Variants in ACOXL observed in about 807,000 individuals in gnomAD.
ACOXL encodes acyl-coenzyme A oxidase-like protein.
A neutral mutation model predicts 71.9 loss-of-function variants in ACOXL; 70 were observed. The observed-to-expected ratio is 0.97, with a 90% confidence interval of 0.80 to 1.19. The LOEUF (loss-of-function observed/expected upper bound fraction) is 1.19. ACOXL is among the 50% of genes most tolerant of loss of function. ACOXL has a pLI of 0.00. For synonymous variants in ACOXL, 253 were observed against 281.6 expected (o/e 0.90, Z 1.02); for missense variants, 703 against 736.3 (o/e 0.95, Z 0.52).
chr2:110,793,263 C>T (rs1255179299), intron 3 of ACOXL, among the ~76,000 whole-genome samples: 1 of 151,398 alleles, frequency 6.6e-6, no homozygotes, highest in African/African-American at 2.4e-5. Flanking sequence ...CATGGCAGGA[C>T]TCACCTCCAC....
At chr2:111,049,395 C>A in intron 16 of ACOXL, 107 bp downstream of exon 16, 2 of 870,998 alleles carry the variant, frequency 2.3e-6, no homozygotes, top group South Asian at 1.5e-5. Flanking sequence ...ATGTCTGAAT[C>A]GTGTGCTCCA....
chr2:110,786,749 G>A (rs538624906), intron 3 of ACOXL, among the ~76,000 whole-genome samples: 2 of 152,330 alleles, frequency 1.3e-5, no homozygotes, highest in Non-Finnish European at 2.9e-5. Context: ...AATGAATGAG[G>A]GAAGGGGCAG....
chr2:110,911,907 G>A (rs76963459), intron 11 of ACOXL, among the ~76,000 whole-genome samples: 3,275 of 152,082 alleles, frequency 0.022, 140 homozygotes, highest in African/African-American at 0.076. Context: ...AACTGGAGAC[G>A]AAGAAGTAAG....
Position 110,803,829 on chromosome 2 carries a change from A to G in ACOXL, c.621-1434A>G, listed in dbSNP as rs184703744. Among the ~76,000 whole-genome samples, 309 of 152,344 alleles carry G rather than the reference A, an allele frequency of 2.0e-3. 2 individuals are homozygous for G. Among genetic ancestry groups the G allele is most frequent in the Non-Finnish European group, 3.4e-3 (228 of 68,028 alleles). On this transcript the variant is annotated intron_variant, in intron 8 of 17. Coordinates refer to ENST00000439055, the MANE Select transcript of ACOXL (RefSeq NM_001142807.4). ...ACTATTACAGCTCAAGAATAAAAAG[A>G]CAACCCAATTTTAAAATGAGCAAAA...
intron 10 of ACOXL, among the ~76,000 whole-genome samples, chr2:110,898,786 G>A (rs902479409): frequency 5.9e-5 from 9 of 152,150 alleles, no homozygotes; most frequent in African/African-American, 2.2e-4. Context: ...ATTGGAAAAG[G>A]AGTAATAAAA....
At chr2:110,914,242 T>G (rs2059756192) in intron 11 of ACOXL, among the ~76,000 whole-genome samples, 1 of 152,186 alleles carries the variant, frequency 6.6e-6, no homozygotes, top group South Asian at 2.1e-4. Context: ...TTTTTTCCCC[T>G]CGAAATTGTC....
intron 1 of ACOXL, among the ~76,000 whole-genome samples, chr2:110,734,093 A>G (rs1676538203): frequency 6.6e-6 from 1 of 152,128 alleles, no homozygotes; most frequent in Non-Finnish European, 1.5e-5. Flanking sequence ...GAACGATGCT[A>G]CTCTTCTTGC....
intron 2 of ACOXL, among the ~76,000 whole-genome samples, chr2:110,772,317 T>C (rs550728043): frequency 2.0e-5 from 3 of 152,310 alleles, no homozygotes; most frequent in African/African-American, 7.2e-5. Context: ...GTGAAGGCTT[T>C]TGCTCAGGCT....
At chr2:110,934,943 G>A (rs954430542) in intron 12 of ACOXL, among the ~76,000 whole-genome samples, 5 of 152,194 alleles carry the variant, frequency 3.3e-5, no homozygotes, top group Non-Finnish European at 7.4e-5. Context: ...GGCAGCTGGG[G>A]CAATGGCGCG....
In ACOXL at chr2:111,117,709, G is replaced by GGAAT. The variant is rs2070457864; in HGVS notation, c.1637_1640dup (p.Ile547MetfsTer95). On this transcript the variant is annotated frameshift_variant, in exon 18 of 18. Transcript: ENST00000439055. LOFTEE classifies it low-confidence loss of function (END_TRUNC). ...CACCTACCTCCACGCACCAATCGCC[G>GGAAT]GAATCTCCAACCCGCGGGCCGCGTG... 1 of 1,551,630 alleles carries GGAAT rather than the reference G, an allele frequency of 6.4e-7. No individual in the cohort carries two copies. Among genetic ancestry groups the GGAAT allele is most frequent in the Non-Finnish European group, 8.7e-7 (1 of 1,147,016 alleles).
chr2:110,960,493 A>T (rs1000038969), intron 12 of ACOXL, among the ~76,000 whole-genome samples: 6 of 151,942 alleles, frequency 3.9e-5, no homozygotes, highest in Admixed American at 2.0e-4. Flanking sequence ...TTTTACCCAG[A>T]TCAGCTCCGT....
intron 1 of ACOXL, among the ~76,000 whole-genome samples, chr2:110,746,046 C>G (rs930082264): frequency 1.3e-5 from 2 of 152,090 alleles, no homozygotes; most frequent in Non-Finnish European, 2.9e-5. Context: ...TCTCTGTATC[C>G]TCTACCTTAC....
At chr2:110,899,596 G>A (rs1310870808) in intron 10 of ACOXL, among the ~76,000 whole-genome samples, 1 of 152,094 alleles carries the variant, frequency 6.6e-6, no homozygotes, top group African/African-American at 2.4e-5. Flanking sequence ...GATGACGGAA[G>A]GTGTTTCTTC....
rs749194719 is a variant in ACOXL at position 111,092,981 on chromosome 2, G to A, written c.1542+15G>A. 3.1e-6 allele frequency: 5 copies of A among 1,607,012 alleles called. No individual in the cohort carries two copies. Among genetic ancestry groups the A allele is most frequent in the Non-Finnish European group, 3.4e-6 (4 of 1,174,324 alleles). On this transcript the variant is annotated intron_variant, in intron 17 of 17. Coordinates refer to ENST00000439055, the MANE Select transcript of ACOXL (RefSeq NM_001142807.4). ...TCAGGAATCAGGTAAGGTCCCTGGGGTACAGAAAAACACTTTGTACATCAG... is the reference window on the plus strand; with the variant it reads ...TCAGGAATCAGGTAAGGTCCCTGGGATACAGAAAAACACTTTGTACATCAG...
intron 12 of ACOXL, among the ~76,000 whole-genome samples, chr2:110,949,800 C>T (rs1460048160): frequency 6.6e-6 from 1 of 152,148 alleles, no homozygotes; most frequent in Non-Finnish European, 1.5e-5. Flanking sequence ...GAAGGACGAA[C>T]AAGGCCAGAA....
Position 110,799,109 on chromosome 2 carries a change from C to A in ACOXL, c.547+9C>A. ...TATGATGTACAAGGAGGGTGAGTCC[C>A]CAGGTGCCCTTTTCCTGTGCTCACT... On this transcript the variant is annotated intron_variant, in intron 7 of 17. Transcript: ENST00000439055. The A allele has an allele frequency of 6.2e-7, 1 of 1,613,160 alleles. No homozygotes were observed. The highest frequency in any genetic ancestry group is 8.5e-7 in the Non-Finnish European group (1 of 1,179,238).
At chr2:110,968,962 T>C (rs1474105561) in intron 12 of ACOXL, among the ~76,000 whole-genome samples, 1 of 152,102 alleles carries the variant, frequency 6.6e-6, no homozygotes, top group Non-Finnish European at 1.5e-5. Context: ...ATTAAAAAGG[T>C]ACAGAATATG....
At chr2:110,873,973 C>T (rs1291359388) in intron 10 of ACOXL, among the ~76,000 whole-genome samples, 2 of 152,156 alleles carry the variant, frequency 1.3e-5, no homozygotes, top group Non-Finnish European at 2.9e-5. Flanking sequence ...ATCGGCCAGC[C>T]CTAGGGCCCT....
At chr2:110,776,608 G>A (rs184527803) in intron 2 of ACOXL, among the ~76,000 whole-genome samples, 8 of 152,180 alleles carry the variant, frequency 5.3e-5, no homozygotes, top group Admixed American at 2.6e-4. Context: ...AGGGCCTAAG[G>A]TGGGAGTGTC....
Sources: allele counts gnomAD v4.1 joint callset (sites outside exome capture counted in the v4.1 genomes callset), GRCh38; gene constraint gnomAD v4.1.1; transcripts MANE v1.5; gene names NCBI Gene and HGNC (gene_info 2026-07-23, HGNC 2026-07-21).